FBXO46: variants seen among roughly 807,000 people sequenced by gnomAD.
FBXO46 encodes F-box only protein 46.
FBXO46 carries 13 observed loss-of-function variants against 30.7 expected under a neutral mutation model. That is an observed-to-expected ratio of 0.42 (90% CI 0.28 to 0.67). FBXO46 has a LOEUF of 0.67. FBXO46 is among the 30% of genes least tolerant of loss of function. The pLI is 0.21. For synonymous variants in FBXO46, 467 were observed against 385.8 expected (o/e 1.21, Z -2.47); for missense variants, 754 against 871.5 (o/e 0.87, Z 1.70).
chr19:45,713,568 T>G lies in FBXO46; in HGVS notation c.-73A>C. On this transcript the variant is annotated 5_prime_UTR_variant, in exon 2 of 2. The change abolishes an upstream ATG in the 5' untranslated region. Transcript: ENST00000317683. This position sits in a 1 kb window ranked among gnomAD's most constrained non-coding sequence, Gnocchi z 4.7. ...CTAGGTGGTGGTGGGAGGCTCCACATGCCACCTGGAGACACGAAGAGGAGG... is the reference window on the plus strand; with the variant it reads ...CTAGGTGGTGGTGGGAGGCTCCACAGGCCACCTGGAGACACGAAGAGGAGG... The G allele has an allele frequency of 7.8e-7, 1 of 1,274,710 alleles. No individual in the cohort carries two copies. The highest frequency in any genetic ancestry group is 1.1e-6 in the Non-Finnish European group (1 of 929,240). The allele number at this position is 1,274,710 out of a possible 1,614,324, so 79.0% of individuals were successfully genotyped here.
intron 1 of FBXO46, among the ~76,000 whole-genome samples, chr19:45,719,793 C>T (rs1600362198): frequency 6.6e-6 from 1 of 152,146 alleles, no homozygotes; most frequent in African/African-American, 2.4e-5. Flanking sequence ...GTCAGACATC[C>T]AAACAAACAG....
intron 1 of FBXO46, among the ~76,000 whole-genome samples, chr19:45,721,631 G>A (rs1040573482): frequency 2.9e-5 from 4 of 139,254 alleles, no homozygotes; most frequent in African/African-American, 8.1e-5. Flanking sequence ...CGGCTCACTC[G>A]AACCTCTGCC....
At chr19:45,719,682 C>T (rs1405917472) in intron 1 of FBXO46, among the ~76,000 whole-genome samples, 1 of 152,208 alleles carries the variant, frequency 6.6e-6, no homozygotes, top group African/African-American at 2.4e-5. Context: ...TTTGCAAAAA[C>T]TTGTCTCTGA....
Position 45,711,960 on chromosome 19 carries a change from C to T in FBXO46, c.1536G>A (p.Val512=), listed in dbSNP as rs1329618476. The T allele has an allele frequency of 1.2e-6, 2 of 1,612,928 alleles. No individual in the cohort carries two copies. The highest frequency in any genetic ancestry group is 4.5e-5 in the East Asian group (2 of 44,886). The change falls in exon 2 of 2, where the codon GTG becomes GTA. Residue 512 remains valine, a synonymous_variant. Coordinates refer to ENST00000317683, the MANE Select transcript of FBXO46 (RefSeq NM_001080469.2). ...GGCTCCAGCGCGAGTCTGTGGCCCG[C>T]ACGCCAAACGCCTCGATGATGCCCT... is the stretch of plus-strand genomic sequence containing the variant. ...HFKGIIEAFG[V]RATDSRWSRD...
intron 1 of FBXO46, among the ~76,000 whole-genome samples, chr19:45,714,074 G>A (rs191930505): frequency 3.6e-4 from 55 of 151,456 alleles, no homozygotes; most frequent in African/African-American, 1.0e-3. Flanking sequence ...CTTGCAGAGC[G>A]GGACCCTAAC....
At chr19:45,718,942 T>TAAAA (rs397954439) in intron 1 of FBXO46, among the ~76,000 whole-genome samples, 7 of 119,428 alleles carry the variant, frequency 5.9e-5, no homozygotes, top group African/African-American at 2.2e-4. Flanking sequence ...CATTACCCCT[T>TAAAA]AAAAAAAAAA....
At chr19:45,725,952 C>T (rs190556103) in intron 1 of FBXO46, among the ~76,000 whole-genome samples, 2 of 152,040 alleles carry the variant, frequency 1.3e-5, no homozygotes, top group Non-Finnish European at 2.9e-5. Context: ...GCTCACTGCA[C>T]CTTCCACCTC....
intron 1 of FBXO46, among the ~76,000 whole-genome samples, chr19:45,729,992 G>C (rs1968288268): frequency 6.6e-6 from 1 of 152,138 alleles, no homozygotes; most frequent in South Asian, 2.1e-4. Flanking sequence ...TCACAGCCCA[G>C]CTCTCCCACT....
chr19:45,731,290 T>A (rs1968307222), upstream of FBXO46, among the ~76,000 whole-genome samples: 1 of 151,476 alleles, frequency 6.6e-6, no homozygotes, highest in Non-Finnish European at 1.5e-5. Context: ...CTTGTGCTTT[T>A]CCAAACTCCT....
chr19:45,714,448 AC>A (rs1968057003), intron 1 of FBXO46: 1 of 151,740 alleles, frequency 6.6e-6, no homozygotes, highest in South Asian at 2.1e-4. Context: ...AAAAATGCAC[AC>A]CCTTGCAAAG....
In FBXO46 at chr19:45,711,895, C is replaced by T. The variant is rs765557094; in HGVS notation, c.1601G>A (p.Arg534His). The stretch of plus-strand genomic sequence containing the variant: ...CACGTCGCCCTTCTCGTATCTCTTG[C>T]GGCACTGTTTGCACGGATCATCGCG... ...LYRDDPCKQCRKRYEKGDVSL... is the reference protein window; with the variant it reads ...LYRDDPCKQCHKRYEKGDVSL... The change falls in exon 2 of 2, where the codon CGC becomes CAC. Residue 534 changes from arginine to histidine, a missense_variant. Around this residue, in one of 5 missense-constraint regions of FBXO46, gnomAD observed 162 missense variants for 258.7 expected, o/e 0.63. Coordinates refer to ENST00000317683, the MANE Select transcript of FBXO46 (RefSeq NM_001080469.2). 8.1e-6 allele frequency: 13 copies of T among 1,613,580 alleles called. No individual in the cohort carries two copies.
Position 45,713,714 on chromosome 19 carries a change from T to C in FBXO46, c.-78-141A>G. 2.1e-6 allele frequency: 1 copy of C among 468,586 alleles called. No homozygotes were observed. The highest frequency in any genetic ancestry group is 3.9e-5 in the South Asian group (1 of 25,900). 29.0% of individuals were successfully genotyped at this position (468,586 alleles called of 1,614,324 possible). On this transcript the variant is annotated intron_variant, in intron 1 of 1. Coordinates refer to ENST00000317683, the MANE Select transcript of FBXO46 (RefSeq NM_001080469.2). This position sits in a 1 kb window ranked among gnomAD's most constrained non-coding sequence, Gnocchi z 4.7. Reference sequence around the variant, plus strand: ...TGGGCGCGGTGGCTCACGCCTGTAATCCCAGCACTTTGGGAGGCTGAGGTG... The same window carrying C: ...TGGGCGCGGTGGCTCACGCCTGTAACCCCAGCACTTTGGGAGGCTGAGGTG...
intron 1 of FBXO46, among the ~76,000 whole-genome samples, chr19:45,722,635 G>A (rs537381455): frequency 2.6e-5 from 4 of 152,202 alleles, no homozygotes; most frequent in East Asian, 1.9e-4. Flanking sequence ...GGTGGCGGGC[G>A]CCTGTAGTCC....
At chr19:45,722,538 G>A (rs1413147231) in intron 1 of FBXO46, among the ~76,000 whole-genome samples, 5 of 152,062 alleles carry the variant, frequency 3.3e-5, no homozygotes, top group Admixed American at 2.0e-4. Context: ...CCAGGCAGGC[G>A]GATCACAAGG....
chr19:45,711,745 T>C lies in FBXO46; in HGVS notation c.1751A>G (p.Asn584Ser). Residue 584 changes from asparagine to serine, a missense_variant, in exon 2 of 2, where the codon AAC becomes AGC. By Grantham distance (46) the Asn-to-Ser change is conservative. This residue lies in a region of FBXO46 where 162 missense variants were observed against 258.7 expected (regional missense o/e 0.63). Transcript: ENST00000317683. ...PGCRLGLHDN[N>S]WVLPCNGPGG... ...TGGCCCATTGCAGGGCAGCACCCAG[T>C]TGTTATCGTGGAGGCCCAGGCGGCA... The C allele has an allele frequency of 7.4e-7, 1 of 1,357,744 alleles. No homozygotes were observed. Among genetic ancestry groups the C allele is most frequent in the Non-Finnish European group, 9.8e-7 (1 of 1,023,032 alleles). 84.1% of individuals were successfully genotyped at this position (1,357,744 alleles called of 1,614,324 possible).
rs766747190 is a variant in FBXO46 at position 45,712,163 on chromosome 19, G to A, written c.1333C>T (p.Leu445=). 2.5e-6 allele frequency: 4 copies of A among 1,598,180 alleles called. No homozygotes were observed. The highest frequency in any genetic ancestry group is 1.7e-4 in the Middle Eastern group (1 of 6,036). The change falls in exon 2 of 2, where the codon CTG becomes TTG. Residue 445 remains leucine (L), a synonymous_variant. Coordinates refer to ENST00000317683, the MANE Select transcript of FBXO46 (RefSeq NM_001080469.2). The surrounding 1 kb of genome is among the most constrained non-coding windows in gnomAD (Gnocchi z 8.8). ...DDAEGTADTS[L]CRLYRHVSHD... ...GACACGTGCCGGTACAAGCGGCACA[G>A]GGAGGTGTCCGCCGTGCCCTCGGCA...
At position 45,712,480 on chromosome 19, in the gene FBXO46, G is replaced by A. The variant is rs1968000993; in HGVS notation, c.1016C>T (p.Pro339Leu). 4 of 1,606,896 alleles carry A rather than the reference G, an allele frequency of 2.5e-6. No homozygotes were observed. Among genetic ancestry groups the A allele is most frequent in the African/African-American group, 1.3e-5 (1 of 74,816 alleles). Residue 339 changes from proline to leucine, a missense_variant, in exon 2 of 2, where the codon CCG (proline) becomes CTG (leucine). Physicochemically the swap from Pro to Leu is moderately conservative, Grantham distance 98 (BLOSUM62 -3). Coordinates refer to ENST00000317683, the MANE Select transcript of FBXO46 (RefSeq NM_001080469.2). The surrounding 1 kb of genome is among the most constrained non-coding windows in gnomAD (Gnocchi z 8.8). ...RADEASEGDS[P>L]APARPEDTPP... is the part of the protein sequence containing the mutation. Reference sequence around the variant, plus strand: ...AGTGTCCTCAGGCCTGGCGGGTGCCGGGCTGTCACCCTCACTGGCCTCATC... The same window carrying A: ...AGTGTCCTCAGGCCTGGCGGGTGCCAGGCTGTCACCCTCACTGGCCTCATC...
chr19:45,712,197 G>A lies in FBXO46; in HGVS notation c.1299C>T (p.Gly433=), dbSNP rs374726226. The change falls in exon 2 of 2, where the codon GGC becomes GGT. Residue 433 remains glycine (G), a synonymous_variant. Coordinates refer to ENST00000317683, the MANE Select transcript of FBXO46 (RefSeq NM_001080469.2). This position sits in a 1 kb window ranked among gnomAD's most constrained non-coding sequence, Gnocchi z 8.8. The part of the protein sequence containing the change: ...PPADSPATAP[G]PDDAEGTADT... ...CCGCCGTGCCCTCGGCATCGTCTGGGCCGGGCGCAGTGGCCGGGGAGTCGG... is the reference window on the plus strand; with the variant it reads ...CCGCCGTGCCCTCGGCATCGTCTGGACCGGGCGCAGTGGCCGGGGAGTCGG... 454 of 1,604,008 alleles carry A rather than the reference G, an allele frequency of 2.8e-4. No individual in the cohort carries two copies. Among genetic ancestry groups the A allele is most frequent in the Non-Finnish European group, 3.7e-4 (441 of 1,176,104 alleles).
In FBXO46 at chr19:45,712,263, G is replaced by A. The variant is rs994079611; in HGVS notation, c.1233C>T (p.Leu411=). The change falls in exon 2 of 2, where the codon CTC becomes CTT. Residue 411 remains leucine, a synonymous_variant. Coordinates refer to ENST00000317683, the MANE Select transcript of FBXO46 (RefSeq NM_001080469.2). This position sits in a 1 kb window ranked among gnomAD's most constrained non-coding sequence, Gnocchi z 8.8. ...EPPPPGQLFF[L]QNRGPDGPPE... is the part of the protein sequence containing the mutation. ...GGGGCCCGTCCGGCCCGCGGTTCTG[G>A]AGAAAGAAGAGCTGGCCCGGAGGCG... 2 of 1,604,696 alleles carry A rather than the reference G, an allele frequency of 1.2e-6. No individual in the cohort carries two copies. Among genetic ancestry groups the A allele is most frequent in the African/African-American group, 2.7e-5 (2 of 74,894 alleles).
Sources: allele counts gnomAD v4.1 joint callset (sites outside exome capture counted in the v4.1 genomes callset), GRCh38; gene constraint gnomAD v4.1.1; regional missense constraint gnomAD v4.1.1; non-coding constraint Gnocchi (gnomAD v3.1); transcripts MANE v1.5; gene names NCBI Gene and HGNC (gene_info 2026-07-23, HGNC 2026-07-21).